SBNO1: variants seen among roughly 807,000 people sequenced by gnomAD.
SBNO1 encodes the protein strawberry notch homolog 1, also known as protein strawberry notch homolog 1.
SBNO1 carries 23 observed loss-of-function variants against 173.6 expected under a neutral mutation model. That is an observed-to-expected ratio of 0.13 (90% CI 0.10 to 0.19). The LOEUF is 0.19. Among genes scored for constraint, SBNO1 ranks in the 10% least tolerant of loss-of-function variants. The pLI is 1.00. For missense variants in SBNO1, 1,238 were observed against 1,671.2 expected, an observed-to-expected ratio of 0.74 and a Z score of 4.52; for synonymous variants, 632 against 571.5, an observed-to-expected ratio of 1.11 and a Z score of -1.51.
At chr12:123,349,062 G>C (rs1873573725) in intron 2 of SBNO1, 1 of 149,968 alleles carries the variant, frequency 6.7e-6, no homozygotes, top group South Asian at 2.1e-4. Flanking sequence ...AACTGGCTGT[G>C]ATCAATTACC....
At chr12:123,304,264 C>T (rs989967168) in intron 29 of SBNO1, among the ~76,000 whole-genome samples, 1 of 151,648 alleles carries the variant, frequency 6.6e-6, no homozygotes, top group African/African-American at 2.4e-5. Flanking sequence ...GACGAAGTTT[C>T]GCGCTTGTTG....
In SBNO1 at chr12:123,321,714, T is replaced by C. The variant is rs151327857; in HGVS notation, c.2144A>G (p.Glu715Gly). Residue 715 changes from glutamate to glycine, a missense_variant, in exon 17 of 32, where the codon GAA (glutamate) becomes GGA (glycine). By Grantham distance (98) the Glu-to-Gly change is moderately conservative. Transcript: ENST00000602398. The part of the protein sequence containing the change: ...KKRKGEEITR[E>G]AKKARKVGGL... ...ACCTACTTTTCGTGCTTTTTTGGCT[T>C]CTCGAGTTATTTCTTCACCTACCCT... The C allele has an allele frequency of 1.4e-4, 220 of 1,613,976 alleles. No homozygotes were observed. Among genetic ancestry groups the C allele is most frequent in the Non-Finnish European group, 1.6e-4 (192 of 1,180,016 alleles).
chr12:123,339,969 C>T lies in SBNO1; in HGVS notation c.651+1019G>A, dbSNP rs112160305. ...TTCCTAATATCCCACCTCAAAGTCT[C>T]GTCATACTCAAAACCCAAGCTCCAT... On this transcript the variant is annotated intron_variant, in intron 5 of 31. Transcript: ENST00000602398. Among the ~76,000 whole-genome samples, 1,398 of 152,226 alleles carry T rather than the reference C, an allele frequency of 9.2e-3. 11 individuals carry two copies. The highest frequency in any genetic ancestry group is 0.014 in the Non-Finnish European group (974 of 68,014).
rs545644448 is a variant in SBNO1 at position 123,340,742 on chromosome 12, AT to A, written c.651+245del. 5.1e-4 allele frequency among the ~76,000 whole-genome samples: 78 copies of A among 152,190 alleles called. 1 individual carries two copies. The East Asian group carries it at 0.015, about 29-fold the overall frequency. ...TTGTCTTTTTTTCTGCTCAGATGAG[AT>A]TTTTAACAGTAAGATATCAGTACTG... On this transcript the variant is annotated intron_variant, in intron 5 of 31. Transcript: ENST00000602398.
Position 123,295,989 on chromosome 12 carries a change from C to T in SBNO1, c.4101G>A (p.Gln1367=). 1.2e-6 allele frequency: 2 copies of T among 1,614,048 alleles called. No individual in the cohort carries two copies. The highest frequency in any genetic ancestry group is 1.7e-6 in the Non-Finnish European group (2 of 1,179,906). The change falls in exon 32 of 32, where the codon CAG becomes CAA. Residue 1367 remains glutamine, a synonymous_variant. Transcript: ENST00000602398. The stretch of plus-strand genomic sequence containing the variant: ...TCTGTTGGACCGCAAGCTGTTGAGA[C>T]TGGTCTGAAGTTGATAGGAGATTTA... The part of the protein sequence containing the change: ...PLVNLLSTSD[Q]SQQLAVQQKQ...
In SBNO1 at chr12:123,311,720, C is replaced by CTATCTATCTATCTA. The variant is rs1224940028; in HGVS notation, c.3221-592_3221-591insTAGATAGATAGATA. 3.5e-3 allele frequency among the ~76,000 whole-genome samples: 452 copies of CTATCTATCTATCTA among 127,396 alleles called. 3 individuals carry two copies. Among genetic ancestry groups the CTATCTATCTATCTA allele is most frequent in the African/African-American group, 0.011 (347 of 31,486 alleles). 83.6% of individuals were successfully genotyped at this position (127,396 alleles called of 152,430 possible). Reference sequence around the variant, plus strand: ...TCTATCTATCTATCTATCTATCTATCTATATATATATATATATATATATAT... The same window carrying CTATCTATCTATCTA: ...TCTATCTATCTATCTATCTATCTATCTATCTATCTATCTATATATATATATATATATATATATAT... On this transcript the variant is annotated intron_variant, in intron 24 of 31. Transcript: ENST00000602398.
intron 23 of SBNO1, among the ~76,000 whole-genome samples, chr12:123,314,095 C>A (rs894699846): frequency 6.6e-6 from 1 of 152,006 alleles, no homozygotes; most frequent in Admixed American, 6.6e-5. Context: ...TCAACAAAAC[C>A]CCAAAAAACC....
At chr12:123,363,760 CACATAA>C (rs536369463) in intron 1 of SBNO1, 1 of 680,312 alleles carries the variant, frequency 1.5e-6, no homozygotes, top group East Asian at 1.4e-4. Flanking sequence ...ACCGAGCACG[CACATAA>C]AAAGAGCTTC....
chr12:123,337,852 C>G (rs79509300), intron 5 of SBNO1, among the ~76,000 whole-genome samples: 1 of 152,118 alleles, frequency 6.6e-6, no homozygotes. Flanking sequence ...GATAAGCAGC[C>G]TCCTTTCTCC....
chr12:123,319,749 A>G (rs1869738841), intron 20 of SBNO1, 151 bp downstream of exon 20: 1 of 668,304 alleles, frequency 1.5e-6, no homozygotes, highest in South Asian at 2.0e-5. Context: ...AAAAACACGT[A>G]CAATATTCAG....
chr12:123,356,535 G>C (rs1874483172), intron 1 of SBNO1, among the ~76,000 whole-genome samples: 1 of 152,144 alleles, frequency 6.6e-6, no homozygotes, highest in African/African-American at 2.4e-5. Context: ...CCGCCCCCCT[G>C]GGTTCAAGCG....
At chr12:123,309,686 G>C (rs751320745) in intron 26 of SBNO1, 24 bp downstream of exon 26, 8 of 1,608,140 alleles carry the variant, frequency 5.0e-6, no homozygotes, top group Non-Finnish European at 6.8e-6. Flanking sequence ...GGGACATTGT[G>C]GGGGGGAAAT....
intron 20 of SBNO1, among the ~76,000 whole-genome samples, chr12:123,319,404 G>A (rs1050578304): frequency 3.3e-5 from 5 of 152,166 alleles, no homozygotes; most frequent in Non-Finnish European, 5.9e-5. Context: ...AATATTCAGT[G>A]AGTAAAGGCA....
chr12:123,339,544 T>C (rs1006555449), intron 5 of SBNO1, among the ~76,000 whole-genome samples: 4 of 151,928 alleles, frequency 2.6e-5, no homozygotes, highest in African/African-American at 9.7e-5. Context: ...CCCAGCACTT[T>C]GGGAGGCCGA....
At chr12:123,339,905 C>T (rs1450820387) in intron 5 of SBNO1, among the ~76,000 whole-genome samples, 1 of 152,114 alleles carries the variant, frequency 6.6e-6, no homozygotes, top group Admixed American at 6.5e-5. Context: ...AGCACATACT[C>T]ACTACCTCCC....
At position 123,326,286 on chromosome 12, in the gene SBNO1, C is replaced by T; in HGVS notation, c.1741G>A (p.Ala581Thr). The T allele has an allele frequency of 6.2e-7, 1 of 1,612,616 alleles. No individual in the cohort carries two copies. The highest frequency in any genetic ancestry group is 8.5e-7 in the Non-Finnish European group (1 of 1,179,128). The change falls in exon 14 of 32, where the codon GCT becomes ACT. Residue 581 changes from alanine to threonine, a missense_variant. Transcript: ENST00000602398. The part of the protein sequence containing the change: ...RFQQAADLID[A>T]EQRMKKSMWG... ...ATGGACTTCTTCATTCGTTGCTCAG[C>T]ATCAATCAGATCTGCAGCTTGCTGA... is the stretch of plus-strand genomic sequence containing the variant.
At position 123,295,889 on chromosome 12, in the gene SBNO1, GT is replaced by G; in HGVS notation, c.*18del. 6.2e-7 allele frequency: 1 copy of G among 1,612,188 alleles called. No homozygotes were observed. The highest frequency in any genetic ancestry group is 8.5e-7 in the Non-Finnish European group (1 of 1,178,714). ...TCAACAGCATTTCAGATCCATCCAT[GT>G]TGAAACCTGTCTGTTCTTCATGCGT... On this transcript the variant is annotated 3_prime_UTR_variant, in exon 32 of 32. Coordinates refer to ENST00000602398, the MANE Select transcript of SBNO1 (RefSeq NM_001167856.3).
At position 123,294,399 on chromosome 12, in the gene SBNO1, T is replaced by A. The variant is rs1010642952; in HGVS notation, c.*1509A>T. 12 of 151,942 alleles carry A rather than the reference T, an allele frequency of 7.9e-5. No individual in the cohort carries two copies. The highest frequency in any genetic ancestry group is 7.9e-4 in the Admixed American group (12 of 15,254). The allele number at this position is 151,942 out of a possible 1,614,324, so 9.4% of individuals were successfully genotyped here. On this transcript the variant is annotated 3_prime_UTR_variant, in exon 32 of 32. Coordinates refer to ENST00000602398, the MANE Select transcript of SBNO1 (RefSeq NM_001167856.3). ...TTTCCCTCAATGCCATCTTACATTT[T>A]AGGGATAAGTTTTAAGCCAAACTAT... is the stretch of plus-strand genomic sequence containing the variant.
In SBNO1 at chr12:123,350,197, T is replaced by A. The variant is rs1025638689; in HGVS notation, c.132+113A>T. On this transcript the variant is annotated intron_variant, in intron 2 of 31. Transcript: ENST00000602398. ...TGAGCCTGGGAGGTTGAGGCTTCAG[T>A]AAGCCATGACTGCACCACTGCACCC... The A allele has an allele frequency of 4.9e-6, 6 of 1,224,318 alleles. No homozygotes were observed. In the African/African-American group the frequency reaches 9.1e-5, roughly 19 times the overall value. The allele number at this position is 1,224,318 out of a possible 1,614,324, so 75.8% of individuals were successfully genotyped here. A position where few individuals can be genotyped will look rare whatever the true frequency, so the allele number is the denominator to read the frequency against.
Sources: gnomAD v4.1 joint callset for allele counts (sites outside exome capture counted in the v4.1 genomes callset) on GRCh38, gnomAD v4.1.1 for gene constraint, MANE v1.5 for transcripts, NCBI Gene and HGNC (gene_info 2026-07-23, HGNC 2026-07-21) for gene names.